Variants in ARFGAP3 observed in about 807,000 individuals in gnomAD.
The protein encoded by ARFGAP3 is ADP-ribosylation factor GTPase-activating protein 3.
ARFGAP3 carries 72 observed loss-of-function variants against 75.0 expected under a neutral mutation model. The ratio of observed to expected loss-of-function variants is 0.96; its 90% CI spans 0.79 to 1.17. The LOEUF (loss-of-function observed/expected upper bound fraction) is 1.17. Among genes scored for constraint, ARFGAP3 ranks in the 50% most tolerant of loss-of-function variants. The pLI, the probability that ARFGAP3 is intolerant of heterozygous loss-of-function variation, is 0.00. For synonymous variants in ARFGAP3, 221 were observed against 217.9 expected, an observed-to-expected ratio of 1.01 and a Z score of -0.13; for missense variants, 620 against 626.6, an observed-to-expected ratio of 0.99 and a Z score of 0.11.
intron 1 of ARFGAP3, among the ~76,000 whole-genome samples, chr22:42,854,938 T>C (rs1161170249): frequency 1.4e-5 from 2 of 144,110 alleles, no homozygotes; most frequent in Non-Finnish European, 3.1e-5. Context: ...ATTGCTTTTA[T>C]TAATCTTATT....
chr22:42,844,221 G>A (rs973842072), intron 2 of ARFGAP3, among the ~76,000 whole-genome samples: 1 of 151,022 alleles, frequency 6.6e-6, no homozygotes, highest in Admixed American at 6.6e-5. Context: ...GTTGTTTTTT[G>A]AGTCAGGGTC....
intron 1 of ARFGAP3, among the ~76,000 whole-genome samples, chr22:42,849,719 C>T (rs1927188204): frequency 2.0e-5 from 3 of 151,912 alleles, no homozygotes; most frequent in Admixed American, 1.3e-4. Context: ...TGCCACCGTG[C>T]CCAGATTTTT....
chr22:42,802,640 T>C (rs1222052611), intron 14 of ARFGAP3, among the ~76,000 whole-genome samples: 10 of 128,034 alleles, frequency 7.8e-5, no homozygotes, highest in Non-Finnish European at 1.5e-4. Flanking sequence ...CTTGCTCTGT[T>C]GCCCAGGCTG....
intron 4 of ARFGAP3, 172 bp from the exon 5 acceptor site, chr22:42,834,497 C>A (rs766426738): frequency 1.2e-6 from 1 of 855,516 alleles, no homozygotes; most frequent in Non-Finnish European, 1.4e-6. Context: ...AGTAATCTAT[C>A]ATCCAGTAAA....
At chr22:42,822,184 A>C in intron 9 of ARFGAP3, 86 bp downstream of exon 9, 1 of 1,129,506 alleles carries the variant, frequency 8.9e-7, no homozygotes. Flanking sequence ...CCCCCCACAC[A>C]AAAATACATG....
At chr22:42,819,314 A>G (rs960545907) in intron 9 of ARFGAP3, among the ~76,000 whole-genome samples, 1 of 152,200 alleles carries the variant, frequency 6.6e-6, no homozygotes, top group Admixed American at 6.5e-5. Context: ...AAAATCATGA[A>G]TACATATAAT....
chr22:42,852,547 G>T (rs1927323604), intron 1 of ARFGAP3, among the ~76,000 whole-genome samples: 1 of 151,588 alleles, frequency 6.6e-6, no homozygotes, highest in Non-Finnish European at 1.5e-5. Flanking sequence ...TTTTAGTAGA[G>T]ATGGGGTTTC....
intron 3 of ARFGAP3, among the ~76,000 whole-genome samples, chr22:42,837,762 C>T (rs531708884): frequency 2.3e-5 from 3 of 132,696 alleles, no homozygotes; most frequent in Admixed American, 9.3e-5. Flanking sequence ...CTCACTGTAG[C>T]GCCAACCCCC....
In ARFGAP3 at chr22:42,828,733, G is replaced by A. The variant is rs867782203; in HGVS notation, c.566-1734C>T. Among the ~76,000 whole-genome samples the A allele has an allele frequency of 1.1e-4, 16 of 143,140 alleles. No individual in the cohort carries two copies. In the South Asian group the frequency reaches 1.4e-3, roughly 13 times the overall value. The allele number at this position is 143,140 out of a possible 152,430, so 93.9% of individuals were successfully genotyped here. ...CAGAGTCCTGTTCTGTTGCCCAGGC[G>A]GAGTGTAGTGGTGCGAACTCGGCTC... is the stretch of plus-strand genomic sequence containing the variant. On this transcript the variant is annotated intron_variant, in intron 6 of 15. Coordinates refer to ENST00000263245, the MANE Select transcript of ARFGAP3 (RefSeq NM_014570.5).
intron 11 of ARFGAP3, among the ~76,000 whole-genome samples, chr22:42,814,650 G>A (rs1001373583): frequency 6.6e-6 from 1 of 152,228 alleles, no homozygotes; most frequent in Non-Finnish European, 1.5e-5. Context: ...CCTGGAGCCA[G>A]TGAGGGTCTC....
intron 14 of ARFGAP3, 133 bp from the exon 15 acceptor site, chr22:42,799,293 G>A: frequency 6.8e-7 from 1 of 1,468,400 alleles, no homozygotes; most frequent in Non-Finnish European, 9.0e-7. Flanking sequence ...GGGCCCAACA[G>A]TGGGATGGAG....
chr22:42,798,963 A>G (rs1239701516), intron 15 of ARFGAP3, 76 bp downstream of exon 15: 7 of 1,215,068 alleles, frequency 5.8e-6, no homozygotes, highest in Non-Finnish European at 8.6e-6. Context: ...CCAGCAGTTG[A>G]AGATTGAAGC....
chr22:42,829,737 T>A (rs2146557955), intron 6 of ARFGAP3, among the ~76,000 whole-genome samples: 1 of 152,372 alleles, frequency 6.6e-6, no homozygotes, highest in South Asian at 2.1e-4. Flanking sequence ...ATTAACCTTT[T>A]CCTTTTATGA....
chr22:42,829,925 G>C (rs1926210178), intron 6 of ARFGAP3, among the ~76,000 whole-genome samples: 2 of 152,146 alleles, frequency 1.3e-5, no homozygotes, highest in African/African-American at 4.8e-5. Context: ...TAAAATGCCA[G>C]ACACTTGTCC....
At chr22:42,845,729 T>C (rs1926986794) in intron 2 of ARFGAP3, among the ~76,000 whole-genome samples, 1 of 151,920 alleles carries the variant, frequency 6.6e-6, no homozygotes, top group African/African-American at 2.4e-5. Flanking sequence ...CCTAAAACTA[T>C]AAAACTCTTA....
rs1242367150 is a variant in ARFGAP3 at position 42,796,990 on chromosome 22, TA to T, written c.*597del. 1 of 152,328 alleles carries T rather than the reference TA, an allele frequency of 6.6e-6. No individual in the cohort carries two copies. Among genetic ancestry groups the T allele is most frequent in the African/African-American group, 2.4e-5 (1 of 41,464 alleles). The allele number at this position is 152,328 out of a possible 1,614,324, so 9.4% of individuals were successfully genotyped here. On this transcript the variant is annotated 3_prime_UTR_variant, in exon 16 of 16. Coordinates refer to ENST00000263245, the MANE Select transcript of ARFGAP3 (RefSeq NM_014570.5). ...TGGCAGGGCAGAAGCTTAAGTTTGT[TA>T]AAAGCACTCACTGAAAAACATTTTT...
Position 42,807,150 on chromosome 22 carries a change from G to A in ARFGAP3, c.1334C>T (p.Ala445Val), listed in dbSNP as rs532124385. ...ACTTGCCGACAGCCTCTCTAGGCGGGCCCTGGTCTCATACTAGAGAAGACA... is the reference window on the plus strand; with the variant it reads ...ACTTGCCGACAGCCTCTCTAGGCGGACCCTGGTCTCATACTAGAGAAGACA... ...RQSQADYETRARLERLSASSS... is the reference protein window; with the variant it reads ...RQSQADYETRVRLERLSASSS... The change falls in exon 14 of 16, where the codon GCC (alanine) becomes GTC (valine). Residue 445 changes from alanine to valine, a missense_variant. Transcript: ENST00000263245. 3.7e-6 allele frequency: 6 copies of A among 1,611,920 alleles called. No individual in the cohort carries two copies. Among genetic ancestry groups the A allele is most frequent in the Non-Finnish European group, 5.1e-6 (6 of 1,178,994 alleles).
intron 5 of ARFGAP3, 132 bp from the exon 6 acceptor site, chr22:42,831,768 T>G: frequency 6.8e-7 from 1 of 1,473,788 alleles, no homozygotes; most frequent in African/African-American, 1.4e-5. Context: ...AAGGAAGGCA[T>G]ATCTACTTTT....
rs370201019 is a variant in ARFGAP3 at position 42,851,998 on chromosome 22, C to T, written c.70-4366G>A. Reference sequence around the variant, plus strand: ...TGGGCATGTGTGTGATCTATGCAGTCGCAGAGGGCCCCACACTTAGAATAA... The same window carrying T: ...TGGGCATGTGTGTGATCTATGCAGTTGCAGAGGGCCCCACACTTAGAATAA... On this transcript the variant is annotated intron_variant, in intron 1 of 15. Transcript: ENST00000263245. 1.4e-3 allele frequency among the ~76,000 whole-genome samples: 218 copies of T among 152,078 alleles called. 6 individuals carry two copies. In the South Asian group the frequency reaches 0.04, roughly 28 times the overall value.
Sources: gnomAD v4.1 joint callset for allele counts (sites outside exome capture counted in the v4.1 genomes callset) on GRCh38, gnomAD v4.1.1 for gene constraint, MANE v1.5 for transcripts, NCBI Gene and HGNC (gene_info 2026-07-23, HGNC 2026-07-21) for gene names.